Variants in ELOVL6 observed in about 807,000 individuals in gnomAD.
ELOVL6 encodes the protein very long chain fatty acid elongase 6.
A neutral mutation model predicts 31.7 loss-of-function variants in ELOVL6; 8 were observed. The ratio of observed to expected loss-of-function variants is 0.25; its 90% CI spans 0.15 to 0.45. ELOVL6 has a LOEUF of 0.45. Among genes scored for constraint, ELOVL6 ranks in the 20% least tolerant of loss-of-function variants. The probability of loss-of-function intolerance (pLI) is 1.00; values close to 1 mark genes in which losing one functional copy is unlikely to be tolerated. For synonymous variants in ELOVL6, 101 were observed against 117.7 expected, an observed-to-expected ratio of 0.86 and a Z score of 0.92; for missense variants, 126 against 326.4, an observed-to-expected ratio of 0.39 and a Z score of 4.73.
chr4:110,188,742 A>T (rs1759519369), intron 1 of ELOVL6, among the ~76,000 whole-genome samples: 1 of 151,882 alleles, frequency 6.6e-6, no homozygotes, highest in Non-Finnish European at 1.5e-5. Flanking sequence ...TACAAAAAAA[A>T]TTAGCCAGGC....
In ELOVL6 at chr4:110,084,175, G is replaced by GAT. The variant is rs1339478892; in HGVS notation, c.221+21320_221+21321dup. Among the ~76,000 whole-genome samples, 41 of 91,200 alleles carry GAT rather than the reference G, an allele frequency of 4.5e-4. 7 individuals are homozygous for GAT. Among genetic ancestry groups the GAT allele is most frequent in the African/African-American group, 1.4e-3 (32 of 22,370 alleles). The allele number at this position is 91,200 out of a possible 152,430, so 59.8% of individuals were successfully genotyped here. ...TATATAACATATATGTGATATATAT[G>GAT]ATATATATAACATATAACTTATATG... On this transcript the variant is annotated intron_variant, in intron 2 of 3. Coordinates refer to ENST00000302274, the MANE Select transcript of ELOVL6 (RefSeq NM_024090.3).
chr4:110,124,314 A>G (rs1358502920), intron 1 of ELOVL6, among the ~76,000 whole-genome samples: 2 of 152,206 alleles, frequency 1.3e-5, no homozygotes, highest in Admixed American at 6.5e-5. Context: ...CCAAATGCCC[A>G]CTAATGATGG....
intron 1 of ELOVL6, among the ~76,000 whole-genome samples, chr4:110,118,407 T>A (rs1412695583): frequency 6.6e-6 from 1 of 152,194 alleles, no homozygotes; most frequent in Non-Finnish European, 1.5e-5. Context: ...AATTCCATGA[T>A]AACCAATATT....
chr4:110,129,891 A>ATTTTTTTTTTTTTTTT (rs371838858), intron 1 of ELOVL6, among the ~76,000 whole-genome samples: 1 of 93,540 alleles, frequency 1.1e-5, no homozygotes, highest in Non-Finnish European at 1.9e-5. Flanking sequence ...ATCCAATCCA[A>ATTTTTTTTTTTTTTTT]TTTTTTTTTT....
intron 1 of ELOVL6, among the ~76,000 whole-genome samples, chr4:110,156,522 C>G (rs1758421612): frequency 6.6e-6 from 1 of 151,852 alleles, no homozygotes; most frequent in Admixed American, 6.6e-5. Flanking sequence ...CCCGTCTCCA[C>G]AAAAAATTAA....
chr4:110,106,652 C>T (rs1421822742), intron 1 of ELOVL6, among the ~76,000 whole-genome samples: 2 of 152,092 alleles, frequency 1.3e-5, no homozygotes, highest in Non-Finnish European at 1.5e-5. Context: ...TGGGTTTTGG[C>T]CAGCTTCTTA....
At chr4:110,067,423 A>AT (rs1281126151) in intron 2 of ELOVL6, among the ~76,000 whole-genome samples, 17 of 152,250 alleles carry the variant, frequency 1.1e-4, no homozygotes, top group Non-Finnish European at 2.2e-4. Context: ...TCACACTGCC[A>AT]TAAAAAACTG....
intron 1 of ELOVL6, among the ~76,000 whole-genome samples, chr4:110,128,553 C>T (rs1482473361): frequency 1.3e-5 from 2 of 152,070 alleles, no homozygotes; most frequent in Non-Finnish European, 2.9e-5. Context: ...ATGGGCAGTG[C>T]GGTTACAGGA....
intron 1 of ELOVL6, among the ~76,000 whole-genome samples, chr4:110,118,906 T>C (rs1757264096): frequency 6.6e-6 from 1 of 151,924 alleles, no homozygotes; most frequent in African/African-American, 2.4e-5. Context: ...TTCTCTACAG[T>C]AAAAATTAGC....
intron 1 of ELOVL6, among the ~76,000 whole-genome samples, chr4:110,192,093 G>A (rs1005239240): frequency 1.3e-5 from 2 of 151,456 alleles, no homozygotes; most frequent in Non-Finnish European, 2.9e-5. Context: ...AGGAGGTTGA[G>A]GTAGGAGAAT....
chr4:110,117,903 A>AAAAAAAAAAAAATT, intron 1 of ELOVL6: 8 of 6,506 alleles, frequency 1.2e-3, no homozygotes, highest in African/African-American at 2.3e-3. Flanking sequence ...AAAAAAAAAA[A>AAAAAAAAAAAAATT]ATATATATAT....
chr4:110,193,288 G>C (rs1438368402), intron 1 of ELOVL6, among the ~76,000 whole-genome samples: 1 of 152,160 alleles, frequency 6.6e-6, no homozygotes, highest in African/African-American at 2.4e-5. Context: ...CTACAAAAAA[G>C]ATATAGATGT....
intron 1 of ELOVL6, among the ~76,000 whole-genome samples, chr4:110,127,642 A>T (rs1757547305): frequency 1.3e-5 from 2 of 152,140 alleles, no homozygotes; most frequent in Non-Finnish European, 2.9e-5. Context: ...ACAGAGATCA[A>T]ATATATTTAT....
chr4:110,119,741 T>C (rs1169484877), intron 1 of ELOVL6, among the ~76,000 whole-genome samples: 1 of 152,080 alleles, frequency 6.6e-6, no homozygotes, highest in African/African-American at 2.4e-5. Context: ...TTGGGGAAAA[T>C]CTTAATGAAA....
intron 1 of ELOVL6, among the ~76,000 whole-genome samples, chr4:110,196,408 G>A (rs1026448015): frequency 1.1e-4 from 16 of 152,106 alleles, no homozygotes; most frequent in African/African-American, 3.6e-4. Context: ...TCCGGCGCCC[G>A]CCGGCTCCGG....
At chr4:110,192,544 T>A (rs1759655218) in intron 1 of ELOVL6, among the ~76,000 whole-genome samples, 1 of 152,158 alleles carries the variant, frequency 6.6e-6, no homozygotes, top group South Asian at 2.1e-4. Flanking sequence ...CATGAAAAAA[T>A]TTTAAGCACT....
At chr4:110,120,484 A>G (rs936403591) in intron 1 of ELOVL6, among the ~76,000 whole-genome samples, 2 of 152,160 alleles carry the variant, frequency 1.3e-5, no homozygotes, top group Non-Finnish European at 2.9e-5. Flanking sequence ...CTGAATATCC[A>G]TGGGTTGCAG....
chr4:110,051,708 T>A lies in ELOVL6; in HGVS notation c.428A>T (p.Tyr143Phe). The A allele has an allele frequency of 6.2e-7, 1 of 1,614,134 alleles. No homozygotes were observed. The highest frequency in any genetic ancestry group is 8.5e-7 in the Non-Finnish European group (1 of 1,180,004). ...RKQKLIFLHWYHHITVLLYSW... is the reference protein window; with the variant it reads ...RKQKLIFLHWFHHITVLLYSW... The stretch of plus-strand genomic sequence containing the variant: ...GTACAGGAGCACAGTGATGTGGTGA[T>A]ACCAGTGCAGGAAGATCAGCTTCTG... Residue 143 changes from tyrosine to phenylalanine, a missense_variant, in exon 4 of 4, where the codon TAT becomes TTT. Transcript: ENST00000302274. This position sits in a 1 kb window ranked among gnomAD's most constrained non-coding sequence, Gnocchi z 4.8.
At chr4:110,052,254 A>T (rs988623868) in intron 3 of ELOVL6, among the ~76,000 whole-genome samples, 1 of 152,218 alleles carries the variant, frequency 6.6e-6, no homozygotes, top group East Asian at 1.9e-4. Flanking sequence ...AAATGTTCTA[A>T]GGCTTCTCTA....
Sources: allele counts gnomAD v4.1 joint callset (sites outside exome capture counted in the v4.1 genomes callset), GRCh38; gene constraint gnomAD v4.1.1; non-coding constraint Gnocchi (gnomAD v3.1); transcripts MANE v1.5; gene names NCBI Gene and HGNC (gene_info 2026-07-23, HGNC 2026-07-21).